SLC39A10: variants seen among roughly 807,000 people sequenced by gnomAD.
SLC39A10 encodes solute carrier family 39 member 10, also known as zinc transporter ZIP10.
In SLC39A10, 13 loss-of-function variants were observed where a neutral mutation model predicts 65.1. That is an observed-to-expected ratio of 0.20 (90% CI 0.13 to 0.32). The LOEUF is 0.32. SLC39A10 is among the 10% of genes least tolerant of loss of function. The probability of loss-of-function intolerance (pLI) is 1.00; values close to 1 mark genes in which losing one functional copy is unlikely to be tolerated. For synonymous variants in SLC39A10, 321 were observed against 342.2 expected, an observed-to-expected ratio of 0.94 and a Z score of 0.68; for missense variants, 831 against 1,018.4, an observed-to-expected ratio of 0.82 and a Z score of 2.50.
At chr2:195,707,427 C>G (rs1260472822) in intron 4 of SLC39A10, among the ~76,000 whole-genome samples, 3 of 152,096 alleles carry the variant, frequency 2.0e-5, no homozygotes, top group Non-Finnish European at 4.4e-5. Context: ...ATTATGAAAA[C>G]AATGGGGATT....
chr2:195,731,108 CA>C (rs1692420275), intron 9 of SLC39A10, among the ~76,000 whole-genome samples: 1 of 152,202 alleles, frequency 6.6e-6, no homozygotes, highest in Non-Finnish European at 1.5e-5. Context: ...GTATGCTTCA[CA>C]TTGTGGTTTT....
chr2:195,677,801 G>A (rs1016519015), intron 1 of SLC39A10, among the ~76,000 whole-genome samples: 5 of 145,080 alleles, frequency 3.4e-5, no homozygotes, highest in African/African-American at 1.3e-4. Context: ...CCATGCTGGA[G>A]TGCAGTGGCA....
At chr2:195,617,556 C>A (rs1401224013) in intron 2 of SLC39A10, among the ~76,000 whole-genome samples, 1 of 150,582 alleles carries the variant, frequency 6.6e-6, no homozygotes, top group Admixed American at 6.6e-5. Flanking sequence ...AGAGAGACAC[C>A]GTCTCAAAGA....
chr2:195,628,599 G>A (rs368423259), intron 2 of SLC39A10, among the ~76,000 whole-genome samples: 1 of 152,128 alleles, frequency 6.6e-6, no homozygotes, highest in Non-Finnish European at 1.5e-5. Context: ...ACAAATAATC[G>A]CAAGTAATTA....
At chr2:195,654,820 A>C (rs1689114177), upstream of SLC39A10, among the ~76,000 whole-genome samples, 1 of 152,212 alleles carries the variant, frequency 6.6e-6, no homozygotes, top group South Asian at 2.1e-4. Flanking sequence ...TTGACTCAGC[A>C]GGTGATTTTG....
intron 1 of SLC39A10, among the ~76,000 whole-genome samples, chr2:195,666,704 T>C (rs1431285038): frequency 6.6e-6 from 1 of 152,236 alleles, no homozygotes; most frequent in African/African-American, 2.4e-5. Context: ...TCAAGCCATA[T>C]GCCTGCTTTG....
At chr2:195,622,347 C>T (rs780914835) in intron 2 of SLC39A10, among the ~76,000 whole-genome samples, 1 of 151,814 alleles carries the variant, frequency 6.6e-6, no homozygotes, top group Middle Eastern at 3.2e-3. Flanking sequence ...GCCTGGGCGA[C>T]AAGAGTGAGA....
At chr2:195,620,274 C>A (rs551007117) in intron 2 of SLC39A10, among the ~76,000 whole-genome samples, 7 of 151,872 alleles carry the variant, frequency 4.6e-5, no homozygotes, top group Non-Finnish European at 1.0e-4. Flanking sequence ...CAAAGAGCAA[C>A]CAAGATCATT....
intron 3 of SLC39A10, among the ~76,000 whole-genome samples, chr2:195,684,453 T>C (rs1030640581): frequency 1.3e-5 from 2 of 152,106 alleles, no homozygotes; most frequent in Non-Finnish European, 2.9e-5. Flanking sequence ...TTAGGCTCTT[T>C]TTTCATCGTA....
chr2:195,643,817 AG>A (rs1688856920), intron 2 of SLC39A10, among the ~76,000 whole-genome samples: 1 of 152,222 alleles, frequency 6.6e-6, no homozygotes, highest in Non-Finnish European at 1.5e-5. Flanking sequence ...GCTAAATAAG[AG>A]GTTGTCAGAA....
chr2:195,647,499 T>C (rs1688946519), intron 2 of SLC39A10, among the ~76,000 whole-genome samples: 1 of 151,862 alleles, frequency 6.6e-6, no homozygotes, highest in Admixed American at 6.6e-5. Context: ...CTCATCTCAT[T>C]CATCTGCTTG....
chr2:195,728,988 T>C lies in SLC39A10; in HGVS notation c.2337+639T>C, dbSNP rs1196927398. On this transcript the variant is annotated intron_variant, in intron 9 of 9. Coordinates refer to ENST00000359634, the MANE Select transcript of SLC39A10 (RefSeq NM_020342.3). The surrounding 1 kb of genome is among the most constrained non-coding windows in gnomAD (Gnocchi z 4.4). ...AATTATGCAGCCTTTTTTTTTTTTT[T>C]ATGAGATAGGGTCTTGCTCTGTTGC... Among the ~76,000 whole-genome samples, 4 of 151,522 alleles carry C rather than the reference T, an allele frequency of 2.6e-5. No individual in the cohort carries two copies. The highest frequency in any genetic ancestry group is 5.9e-5 in the Non-Finnish European group (4 of 67,854).
rs12053165 is a variant in SLC39A10 at position 195,649,515 on chromosome 2, A to T, written c.-11-30517A>T. On this transcript the variant is annotated intron_variant, in intron 2 of 2. Coordinates refer to the SLC39A10 transcript ENST00000458054. ...CTTATTAATTAAAGCCTTAGGCAAA[A>T]TTTGAAATTTGATCTTATGTGATGA... Among the ~76,000 whole-genome samples the T allele has an allele frequency of 0.02, 2,896 of 147,808 alleles. 234 individuals carry two copies. In the East Asian group the frequency reaches 0.26, roughly 13 times the overall value.
At chr2:195,715,382 C>T (rs1167523742) in intron 6 of SLC39A10, among the ~76,000 whole-genome samples, 1 of 151,796 alleles carries the variant, frequency 6.6e-6, no homozygotes, top group African/African-American at 2.4e-5. Flanking sequence ...AAAAATTAGC[C>T]GGGTGTGGTG....
intron 2 of SLC39A10, among the ~76,000 whole-genome samples, chr2:195,624,549 A>C (rs1688423067): frequency 6.6e-6 from 1 of 151,988 alleles, no homozygotes; most frequent in Non-Finnish European, 1.5e-5. Flanking sequence ...GTCCACTCAG[A>C]AGGAGGGAGG....
intron 3 of SLC39A10, among the ~76,000 whole-genome samples, chr2:195,690,045 C>T (rs1020091855): frequency 4.6e-5 from 7 of 151,510 alleles, no homozygotes; most frequent in Admixed American, 6.6e-5. Context: ...GATGTGGTGG[C>T]GGGTGCCTGT....
At chr2:195,719,265 C>T (rs1298800494) in intron 8 of SLC39A10, among the ~76,000 whole-genome samples, 1 of 151,932 alleles carries the variant, frequency 6.6e-6, no homozygotes, top group South Asian at 2.1e-4. Context: ...TGATACAACC[C>T]TTGTGTTTCT....
intron 2 of SLC39A10, among the ~76,000 whole-genome samples, chr2:195,650,012 G>A (rs1368674551): frequency 6.6e-6 from 1 of 152,110 alleles, no homozygotes; most frequent in South Asian, 2.1e-4. Flanking sequence ...TCTCACGGAG[G>A]TATAAATAGG....
At chr2:195,701,432 A>ATTTTTT (rs1559040715) in intron 3 of SLC39A10, among the ~76,000 whole-genome samples, 1 of 12,518 alleles carries the variant, frequency 8.0e-5, no homozygotes, top group Non-Finnish European at 1.6e-4. Context: ...AGTTTCTGTG[A>ATTTTTT]TTCTTTTTTT....
Sources: allele counts gnomAD v4.1 joint callset (sites outside exome capture counted in the v4.1 genomes callset), GRCh38; gene constraint gnomAD v4.1.1; non-coding constraint Gnocchi (gnomAD v3.1); transcripts MANE v1.5; gene names NCBI Gene and HGNC (gene_info 2026-07-23, HGNC 2026-07-21).